RANBP2: variants seen among roughly 807,000 people sequenced by gnomAD.
RANBP2 encodes the protein E3 SUMO-protein ligase RanBP2.
A neutral mutation model predicts 303.6 loss-of-function variants in RANBP2; 57 were observed. The observed-to-expected ratio is 0.19, with a 90% CI of 0.15 to 0.23. The LOEUF is 0.23. Among genes scored for constraint, RANBP2 ranks in the 10% least tolerant of loss-of-function variants. RANBP2 has a pLI of 1.00. For synonymous variants in RANBP2, 1,167 were observed against 1,301.5 expected (o/e 0.90, Z 2.23); for missense variants, 3,138 against 3,780.8 (o/e 0.83, Z 4.46).
chr2:109,456,374 C>T, the RANBP2 span, among the ~76,000 whole-genome samples: 21 of 152,344 alleles, frequency 1.4e-4, no homozygotes, highest in East Asian at 5.8e-4. Flanking sequence ...ATCCTGAAAG[C>T]GTGAATCCCA....
At chr2:109,596,527 G>A in the RANBP2 span, among the ~76,000 whole-genome samples, 1 of 151,954 alleles carries the variant, frequency 6.6e-6, no homozygotes, top group Non-Finnish European at 1.5e-5. Flanking sequence ...TGAGGCAGGA[G>A]AATGGCGTGA....
chr2:109,542,871 G>C, the RANBP2 span: 1 of 152,346 alleles, frequency 6.6e-6, no homozygotes, highest in Non-Finnish European at 1.5e-5. Flanking sequence ...AGACTAATAA[G>C]TTTCATTGTC....
At chr2:109,000,750 C>G in the RANBP2 span, among the ~76,000 whole-genome samples, 62,513 of 152,096 alleles carry the variant, frequency 0.41, 16,543 homozygotes, top group South Asian at 0.6. Context: ...GCACTAAGCA[C>G]TTTATGTGAC....
chr2:108,731,759 T>C, intron 4 of RANBP2: 1 of 412,870 alleles, frequency 2.4e-6, no homozygotes, highest in South Asian at 3.8e-5. Context: ...TTACATTAAG[T>C]TCCGTCTGGT....
chr2:109,148,628 G>A, the RANBP2 span, among the ~76,000 whole-genome samples: 1 of 151,924 alleles, frequency 6.6e-6, no homozygotes, highest in African/African-American at 2.4e-5. Context: ...GATGGCATTA[G>A]TCAGGCAGAA....
the RANBP2 span, among the ~76,000 whole-genome samples, chr2:108,980,787 G>C: frequency 1.3e-5 from 2 of 152,152 alleles, no homozygotes; most frequent in Non-Finnish European, 2.9e-5. Flanking sequence ...GGCCAGAGTG[G>C]GGTCACGGTG....
the RANBP2 span, among the ~76,000 whole-genome samples, chr2:109,528,232 A>C: frequency 1.3e-5 from 2 of 152,016 alleles, no homozygotes; most frequent in East Asian, 3.9e-4. Flanking sequence ...CAGGAGGGAT[A>C]CCCTGTGCCC....
chr2:108,859,215 C>T, the RANBP2 span, among the ~76,000 whole-genome samples: 1 of 152,162 alleles, frequency 6.6e-6, no homozygotes, highest in African/African-American at 2.4e-5. Flanking sequence ...TGAGAAGTAT[C>T]TGTTCATGTC....
the RANBP2 span, among the ~76,000 whole-genome samples, chr2:109,025,301 G>T: frequency 1.3e-5 from 2 of 152,154 alleles, no homozygotes; most frequent in African/African-American, 2.4e-5. Context: ...GAATAATGCT[G>T]CTCTAATCAC....
At chr2:109,614,071 G>C in the RANBP2 span, 1 of 1,212,214 alleles carries the variant, frequency 8.2e-7, no homozygotes, top group Admixed American at 4.3e-5. Flanking sequence ...CCTCACAGGA[G>C]CTACCCTCGA....
chr2:108,848,124 G>A, the RANBP2 span, among the ~76,000 whole-genome samples: 1 of 152,112 alleles, frequency 6.6e-6, no homozygotes, highest in Admixed American at 6.5e-5. Flanking sequence ...AGAATTTGAA[G>A]CCAATTTAAT....
At chr2:109,260,794 A>G in the RANBP2 span, among the ~76,000 whole-genome samples, 1 of 152,156 alleles carries the variant, frequency 6.6e-6, no homozygotes, top group Admixed American at 6.5e-5. Context: ...TGTCTGAACC[A>G]AGTTCCTAAG....
At chr2:108,734,230 A>T (rs1695391605) in intron 4 of RANBP2, among the ~76,000 whole-genome samples, 1 of 151,478 alleles carries the variant, frequency 6.6e-6, no homozygotes, top group East Asian at 1.9e-4. Flanking sequence ...GGTAAAATGG[A>T]ATTTATATGT....
the RANBP2 span, among the ~76,000 whole-genome samples, chr2:109,274,473 A>G: frequency 2.6e-5 from 4 of 152,360 alleles, no homozygotes; most frequent in South Asian, 6.2e-4. Flanking sequence ...TGAAATTGTC[A>G]TATATGCTGC....
chr2:109,645,756 C>A, the RANBP2 span, among the ~76,000 whole-genome samples: 1 of 152,222 alleles, frequency 6.6e-6, no homozygotes, highest in South Asian at 2.1e-4. Flanking sequence ...TGCCTACCTC[C>A]TAGAGCTGCT....
the RANBP2 span, among the ~76,000 whole-genome samples, chr2:109,291,428 G>A: frequency 3.4e-4 from 52 of 152,228 alleles, no homozygotes; most frequent in East Asian, 8.7e-3. Flanking sequence ...CTGCAATCTC[G>A]CCTGGCTGCC....
At chr2:108,812,020 C>A in the RANBP2 span, among the ~76,000 whole-genome samples, 2 of 151,638 alleles carry the variant, frequency 1.3e-5, no homozygotes, top group East Asian at 1.9e-4. Context: ...TTGTAAGATA[C>A]CATAAGTAAT....
intron 12 of RANBP2, 76 bp downstream of exon 12, chr2:108,752,070 T>G: frequency 1.9e-6 from 3 of 1,601,056 alleles, no homozygotes; most frequent in Non-Finnish European, 2.6e-6. Flanking sequence ...TATTGAAAGT[T>G]TTTTTGTTCT....
the RANBP2 span, among the ~76,000 whole-genome samples, chr2:108,834,043 G>A: frequency 6.6e-6 from 1 of 151,148 alleles, no homozygotes; most frequent in East Asian, 1.9e-4. Context: ...ACCGTGCCCA[G>A]CCAATGTGGA....
Sources: allele counts gnomAD v4.1 joint callset (sites outside exome capture counted in the v4.1 genomes callset), GRCh38; gene constraint gnomAD v4.1.1; transcripts MANE v1.5; gene names NCBI Gene and HGNC (gene_info 2026-07-23, HGNC 2026-07-21).